The following SEMA4A variants were observed in gnomAD, a reference collection of about 807,000 sequenced individuals.
The protein encoded by SEMA4A is semaphorin 4A, also known as semaphorin-4A.
In SEMA4A, 52 loss-of-function variants were observed where a neutral mutation model predicts 72.5. The ratio of observed to expected loss-of-function variants is 0.72; its 90% CI spans 0.57 to 0.90. The LOEUF (loss-of-function observed/expected upper bound fraction) is 0.90, where lower values mean the gene tolerates loss of function less well. Among genes scored for constraint, SEMA4A ranks in the 40% least tolerant of loss-of-function variants. SEMA4A has a pLI of 0.00. For missense variants in SEMA4A, 926 were observed against 959.7 expected, an observed-to-expected ratio of 0.96 and a Z score of 0.46; for synonymous variants, 369 against 393.1, an observed-to-expected ratio of 0.94 and a Z score of 0.73.
rs550675159 is a variant in SEMA4A, at chr1:156,155,008, AAT to A, written c.139+294_139+295del. ...TTGGTAATTTTTCTTTCCTTCCTTA[AAT>A]ATCACTGTCACCAAGCTGGGCACCT... On this transcript the variant is annotated intron_variant, in intron 2 of 14. Transcript: ENST00000368285. The A allele has an allele frequency of 1.8e-3, 862 of 473,970 alleles. 1 individual carries two copies. The highest frequency in any genetic ancestry group is 2.7e-3 in the Non-Finnish European group (711 of 262,946). 29.4% of individuals were successfully genotyped at this position (473,970 alleles called of 1,614,324 possible).
rs1473876647 is a variant in SEMA4A at position 156,175,586 on chromosome 1, G to A, written c.1623G>A (p.Gly541=). The part of the protein sequence containing the change: ...LNSWKQDMER[G]NPEWACASGP... Reference sequence around the variant, plus strand: ...CCTGGAAGCAGGACATGGAGCGGGGGAACCCAGAGTGGGCATGTGCCAGTG... The same window carrying A: ...CCTGGAAGCAGGACATGGAGCGGGGAAACCCAGAGTGGGCATGTGCCAGTG... Residue 541 remains glycine, a synonymous_variant, in exon 14 of 15, where the codon GGG becomes GGA. Coordinates refer to ENST00000368285, the MANE Select transcript of SEMA4A (RefSeq NM_022367.4). 3.7e-6 allele frequency: 6 copies of A among 1,613,672 alleles called. No homozygotes were observed. Among genetic ancestry groups the A allele is most frequent in the African/African-American group, 1.3e-5 (1 of 75,042 alleles).
intron 10 of SEMA4A, among the ~76,000 whole-genome samples, chr1:156,166,788 G>A (rs1654204321): frequency 6.6e-6 from 1 of 151,990 alleles, no homozygotes; most frequent in East Asian, 1.9e-4. Context: ...AATCAGCCAG[G>A]CGTGGTGGCA....
chr1:156,170,624 G>A (rs935018381), intron 10 of SEMA4A, among the ~76,000 whole-genome samples: 5 of 151,576 alleles, frequency 3.3e-5, no homozygotes, highest in African/African-American at 1.2e-4. Flanking sequence ...CGTGGTGGCG[G>A]GCGCCTGTAA....
intron 5 of SEMA4A, 80 bp from the exon 6 acceptor site, chr1:156,158,639 T>C: frequency 7.3e-7 from 1 of 1,366,514 alleles, no homozygotes; most frequent in Non-Finnish European, 1.0e-6. Flanking sequence ...CTATGTCCCT[T>C]TCCCTTCCTT....
intron 10 of SEMA4A, among the ~76,000 whole-genome samples, chr1:156,170,486 G>T (rs575644553): frequency 1.9e-4 from 26 of 136,536 alleles, no homozygotes; most frequent in Non-Finnish European, 2.8e-4. Context: ...AAAAAAAAAG[G>T]CCAGGCGCTT....
At position 156,156,452 on chromosome 1, in the gene SEMA4A, G is replaced by A; in HGVS notation, c.178G>A (p.Gly60Ser). The A allele has an allele frequency of 6.2e-7, 1 of 1,614,112 alleles. No individual in the cohort carries two copies. The highest frequency in any genetic ancestry group is 8.5e-7 in the Non-Finnish European group (1 of 1,180,002). Residue 60 changes from glycine to serine, a missense_variant, in exon 3 of 15, where the codon GGC becomes AGC. Transcript: ENST00000368285. ...GGCACTTAGCTTCTTCCACCAGAAG[G>A]GCCTCCAGGATTTTGACACTCTGCT... ...RRALSFFHQK[G>S]LQDFDTLLLS...
At chr1:156,171,077 AAAAC>A (rs1654729391) in intron 10 of SEMA4A, among the ~76,000 whole-genome samples, 2 of 152,192 alleles carry the variant, frequency 1.3e-5, no homozygotes, top group African/African-American at 4.8e-5. Flanking sequence ...AACAAACAAA[AAAAC>A]CCTTTGGGAG....
At chr1:156,167,171 C>G (rs1558156090) in intron 10 of SEMA4A, among the ~76,000 whole-genome samples, 1 of 151,666 alleles carries the variant, frequency 6.6e-6, no homozygotes, top group Non-Finnish European at 1.5e-5. Context: ...AGCCACCATG[C>G]CTCACCTGGG....
At position 156,176,801 on chromosome 1, in the gene SEMA4A, G is replaced by A. The variant is rs769723734; in HGVS notation, c.2090G>A (p.Gly697Glu). The A allele has an allele frequency of 1.2e-6, 2 of 1,613,860 alleles. No individual in the cohort carries two copies. The highest frequency in any genetic ancestry group is 1.7e-6 in the Non-Finnish European group (2 of 1,179,744). Reference sequence around the variant, plus strand: ...GTCCTCTTTGCCTTAGTGCTTTCAGGAGCCCTCATCATCCTCGTGGCCTCC... The same window carrying A: ...GTCCTCTTTGCCTTAGTGCTTTCAGAAGCCCTCATCATCCTCGTGGCCTCC... Reference protein sequence around the residue: ...VTVLFALVLSGALIILVASPL... With the variant: ...VTVLFALVLSEALIILVASPL... The change falls in exon 15 of 15, where the codon GGA (glycine) becomes GAA (glutamate). Residue 697 changes from glycine to glutamate, a missense_variant. Coordinates refer to ENST00000368285, the MANE Select transcript of SEMA4A (RefSeq NM_022367.4).
chr1:156,174,841 G>A lies in SEMA4A; in HGVS notation c.1335G>A (p.Lys445=), dbSNP rs1278171990. The stretch of plus-strand genomic sequence containing the variant: ...CCATAGCCACAGGGTCGCTCCACAA[G>A]GCTGTGGTAAGTGGGGACAGCAGTG... ...YLGTTTGSLH[K]AVVSGDSSAH... The change falls in exon 12 of 15, where the codon AAG becomes AAA. Residue 445 remains lysine (K), a synonymous_variant. Coordinates refer to ENST00000368285, the MANE Select transcript of SEMA4A (RefSeq NM_022367.4). The A allele has an allele frequency of 2.5e-6, 4 of 1,614,090 alleles. No individual in the cohort carries two copies. The Admixed American group carries it at 6.7e-5, about 27-fold the overall frequency.
intron 3 of SEMA4A, 139 bp downstream of exon 3, chr1:156,156,713 C>A: frequency 6.6e-6 from 5 of 754,162 alleles, no homozygotes; most frequent in Non-Finnish European, 6.5e-6. Context: ...TATATCGTGA[C>A]AATATAACAG....
chr1:156,158,106 T>C lies in SEMA4A; in HGVS notation c.337T>C (p.Cys113Arg). 1 of 1,614,092 alleles carries C rather than the reference T, an allele frequency of 6.2e-7. No homozygotes were observed. The highest frequency in any genetic ancestry group is 8.5e-7 in the Non-Finnish European group (1 of 1,180,014). Residue 113 changes from cysteine (C) to arginine (R), a missense_variant, in exon 4 of 15, where the codon TGT (cysteine) becomes CGT (arginine). Physicochemically the swap from Cys to Arg is radical, Grantham distance 180 (BLOSUM62 -3). Transcript: ENST00000368285. ...AGCCAGTGACAGAAAAAAGAGTGAA[T>C]GTGCCTTTAAGAAGAAGAGCAATGA... The part of the protein sequence containing the change: ...WPASDRKKSE[C>R]AFKKKSNETQ...
chr1:156,176,856 G>A lies in SEMA4A; in HGVS notation c.2145G>A (p.Lys715=), dbSNP rs1655393392. Residue 715 remains lysine (K), a synonymous_variant, in exon 15 of 15, where the codon AAG becomes AAA. Coordinates refer to ENST00000368285, the MANE Select transcript of SEMA4A (RefSeq NM_022367.4). The part of the protein sequence containing the change: ...SPLRALRARG[K]VQGCETLRPG... The stretch of plus-strand genomic sequence containing the variant: ...TGAGAGCACTCCGGGCTCGGGGCAA[G>A]GTTCAGGGCTGTGAGACCCTGCGCC... The A allele has an allele frequency of 6.2e-7, 1 of 1,614,260 alleles. No individual in the cohort carries two copies. Among genetic ancestry groups the A allele is most frequent in the African/African-American group, 1.3e-5 (1 of 75,072 alleles).
chr1:156,159,031 CAAAAAAAAA>C (rs34840198), intron 6 of SEMA4A: 11 of 287,416 alleles, frequency 3.8e-5, no homozygotes, highest in African/African-American at 3.7e-4. Flanking sequence ...GAGATCGTCT[CAAAAAAAAA>C]AAAAAAAAGC....
intron 10 of SEMA4A, 33 bp downstream of exon 10, chr1:156,163,127 A>C: frequency 6.2e-7 from 1 of 1,612,420 alleles, no homozygotes; most frequent in Non-Finnish European, 8.5e-7. Flanking sequence ...AGCACAGTCT[A>C]CACATACATA....
At chr1:156,175,724 T>C in intron 14 of SEMA4A, 68 bp downstream of exon 14, 1 of 1,122,728 alleles carries the variant, frequency 8.9e-7, no homozygotes, top group Non-Finnish European at 1.3e-6. Context: ...GGGGTGGGCA[T>C]TCCTGCTCCA....
At chr1:156,159,031 C>CTAA in intron 6 of SEMA4A, 4 of 286,316 alleles carry the variant, frequency 1.4e-5, no homozygotes, top group South Asian at 2.8e-5. Flanking sequence ...GAGATCGTCT[C>CTAA]AAAAAAAAAA....
intron 10 of SEMA4A, among the ~76,000 whole-genome samples, chr1:156,171,642 T>A (rs888056348): frequency 2.0e-5 from 3 of 152,158 alleles, no homozygotes; most frequent in Non-Finnish European, 4.4e-5. Context: ...AGTGGCACAA[T>A]CTTGGGTCAC....
At chr1:156,174,966 G>A in intron 12 of SEMA4A, 26 bp downstream of exon 12, 1 of 1,614,232 alleles carries the variant, frequency 6.2e-7, no homozygotes, top group Non-Finnish European at 8.5e-7. Flanking sequence ...ACCATCAAAT[G>A]GCCTTCCAGT....
Sources: allele counts gnomAD v4.1 joint callset (sites outside exome capture counted in the v4.1 genomes callset), GRCh38; gene constraint gnomAD v4.1.1; transcripts MANE v1.5; gene names NCBI Gene and HGNC (gene_info 2026-07-23, HGNC 2026-07-21).